Variants in ADIPOR2 observed in about 807,000 individuals in gnomAD.
The protein encoded by ADIPOR2 is adiponectin receptor 2.
ADIPOR2 carries 18 observed loss-of-function variants against 40.9 expected under a neutral mutation model. That is an observed-to-expected ratio of 0.44 (90% CI 0.30 to 0.65). The LOEUF is 0.65. Among genes scored for constraint, ADIPOR2 ranks in the 30% least tolerant of loss-of-function variants. The pLI, the probability that ADIPOR2 is intolerant of heterozygous loss-of-function variation, is 0.09. For missense variants in ADIPOR2, 283 were observed against 479.2 expected, an observed-to-expected ratio of 0.59 and a Z score of 3.82; for synonymous variants, 165 against 166.4, an observed-to-expected ratio of 0.99 and a Z score of 0.06.
At chr12:1,746,689 A>T (rs2094755778) in intron 1 of ADIPOR2, among the ~76,000 whole-genome samples, 2 of 152,196 alleles carry the variant, frequency 1.3e-5, no homozygotes, top group Non-Finnish European at 2.9e-5. Flanking sequence ...TTAATATGCC[A>T]CTTTCAATAA....
chr12:1,773,035 G>A, intron 3 of ADIPOR2, 74 bp downstream of exon 3: 2 of 1,534,234 alleles, frequency 1.3e-6, no homozygotes, highest in Middle Eastern at 2.1e-4. Context: ...TAAAGAGAGT[G>A]GTAGTACTAT....
chr12:1,705,583 C>A (rs1178474435), intron 1 of ADIPOR2, among the ~76,000 whole-genome samples: 2 of 152,076 alleles, frequency 1.3e-5, no homozygotes. Flanking sequence ...GTTATATCCC[C>A]AAGATATTTT....
chr12:1,780,694 A>G (rs1862697454), intron 5 of ADIPOR2, 57 bp downstream of exon 5: 1 of 1,457,384 alleles, frequency 6.9e-7, no homozygotes, highest in South Asian at 1.4e-5. Flanking sequence ...TGCGTTAGGG[A>G]AAAACATTCA....
intron 2 of ADIPOR2, among the ~76,000 whole-genome samples, chr12:1,768,014 A>C (rs928958138): frequency 1.3e-5 from 2 of 152,216 alleles, no homozygotes; most frequent in Non-Finnish European, 2.9e-5. Context: ...CCGAGAACAA[A>C]TAATAAAGTT....
intron 1 of ADIPOR2, among the ~76,000 whole-genome samples, chr12:1,751,380 G>C (rs1012837597): frequency 6.6e-6 from 1 of 152,146 alleles, no homozygotes; most frequent in Non-Finnish European, 1.5e-5. Flanking sequence ...TTACTGGAGA[G>C]TTGATTTTCT....
chr12:1,774,579 A>G (rs1862549031), intron 3 of ADIPOR2, among the ~76,000 whole-genome samples: 1 of 152,172 alleles, frequency 6.6e-6, no homozygotes, highest in African/African-American at 2.4e-5. Flanking sequence ...TGCTGTGGAT[A>G]ATTTAGTCTT....
intron 2 of ADIPOR2, among the ~76,000 whole-genome samples, chr12:1,771,155 C>T (rs1862485626): frequency 6.6e-6 from 1 of 151,976 alleles, no homozygotes; most frequent in Non-Finnish European, 1.5e-5. Context: ...CTCGTCTCTA[C>T]ACACACGCAT....
At chr12:1,755,559 C>T (rs184027202) in intron 2 of ADIPOR2, among the ~76,000 whole-genome samples, 7 of 152,246 alleles carry the variant, frequency 4.6e-5, no homozygotes, top group Admixed American at 3.9e-4. Flanking sequence ...CCAGTGTATA[C>T]CTTGGGAGTC....
At chr12:1,757,694 G>A (rs896514509) in intron 2 of ADIPOR2, 72 of 1,315,356 alleles carry the variant, frequency 5.5e-5, no homozygotes, top group Non-Finnish European at 7.7e-5. Flanking sequence ...ACAGCAAAGC[G>A]ACCCTTGGTG....
chr12:1,749,688 TATA>T (rs999233736), intron 1 of ADIPOR2, among the ~76,000 whole-genome samples: 160 of 152,350 alleles, frequency 1.1e-3, no homozygotes, highest in African/African-American at 3.6e-3. Flanking sequence ...ATGTAAGTTT[TATA>T]ATGAGTTTTT....
intron 2 of ADIPOR2, among the ~76,000 whole-genome samples, chr12:1,763,799 C>G (rs1258690321): frequency 6.6e-6 from 1 of 151,968 alleles, no homozygotes; most frequent in East Asian, 1.9e-4. Flanking sequence ...GACAACATAG[C>G]GAAACCTTAT....
intron 2 of ADIPOR2, among the ~76,000 whole-genome samples, chr12:1,764,590 C>CGT (rs1555170938): frequency 8.3e-5 from 11 of 133,286 alleles, no homozygotes; most frequent in Non-Finnish European, 1.9e-4. Flanking sequence ...CACACACACA[C>CGT]GTAGATATAT....
At chr12:1,743,340 G>C (rs927749825) in intron 1 of ADIPOR2, among the ~76,000 whole-genome samples, 3 of 140,730 alleles carry the variant, frequency 2.1e-5, no homozygotes, top group Non-Finnish European at 4.6e-5. Flanking sequence ...GAAATTCTAT[G>C]AGTCTTAAAT....
intron 6 of ADIPOR2, among the ~76,000 whole-genome samples, chr12:1,783,149 T>A (rs2154444512): frequency 6.6e-6 from 1 of 151,452 alleles, no homozygotes; most frequent in African/African-American, 2.4e-5. Flanking sequence ...TAGATTCCTA[T>A]TAAAAATAGG....
intron 1 of ADIPOR2, among the ~76,000 whole-genome samples, chr12:1,736,078 G>C (rs1227893689): frequency 1.3e-5 from 2 of 152,166 alleles, no homozygotes; most frequent in Admixed American, 1.3e-4. Context: ...GTCTCTGCCA[G>C]GCTTTGGTAT....
intron 1 of ADIPOR2, chr12:1,697,583 T>C (rs563925436): frequency 6.6e-6 from 1 of 152,618 alleles, no homozygotes; most frequent in South Asian, 2.1e-4. Flanking sequence ...CAGTACTATA[T>C]CCACTTTATT....
At chr12:1,694,779 ATT>A (rs1249184537) in intron 1 of ADIPOR2, among the ~76,000 whole-genome samples, 3 of 152,130 alleles carry the variant, frequency 2.0e-5, no homozygotes, top group African/African-American at 7.2e-5. Flanking sequence ...TTATTTGCAG[ATT>A]TGTCTGCATA....
At chr12:1,767,645 A>C (rs1862412531) in intron 2 of ADIPOR2, among the ~76,000 whole-genome samples, 1 of 152,242 alleles carries the variant, frequency 6.6e-6, no homozygotes, top group Non-Finnish European at 1.5e-5. Flanking sequence ...TCACCTGTTG[A>C]TCAAACTAAG....
At chr12:1,693,520 C>CT (rs35175001) in intron 1 of ADIPOR2, among the ~76,000 whole-genome samples, 143 of 140,184 alleles carry the variant, frequency 1.0e-3, no homozygotes, top group African/African-American at 1.4e-3. Context: ...TTGTAATCTG[C>CT]TTTTTTTTTT....
Sources: gnomAD v4.1 joint callset for allele counts (sites outside exome capture counted in the v4.1 genomes callset) on GRCh38, gnomAD v4.1.1 for gene constraint, MANE v1.5 for transcripts, NCBI Gene and HGNC (gene_info 2026-07-23, HGNC 2026-07-21) for gene names.